PCSK5: variants seen among roughly 807,000 people sequenced by gnomAD.
PCSK5 encodes the protein proprotein convertase subtilisin/kexin type 5.
Under a neutral mutation model 233.2 loss-of-function variants are expected in PCSK5, and 129 were observed. The observed-to-expected ratio is 0.55, with a 90% CI of 0.48 to 0.64. The LOEUF is 0.64. Ranked by LOEUF, PCSK5 falls within the 30% of genes least tolerant of loss-of-function variation. The pLI, the probability that PCSK5 is intolerant of heterozygous loss-of-function variation, is 0.00. For missense variants in PCSK5, 2,076 were observed against 2,430.1 expected, an observed-to-expected ratio of 0.85 and a Z score of 3.06; for synonymous variants, 825 against 879.2, an observed-to-expected ratio of 0.94 and a Z score of 1.09.
chr9:76,030,855 T>C (rs1467810553), intron 5 of PCSK5, among the ~76,000 whole-genome samples: 2 of 152,122 alleles, frequency 1.3e-5, no homozygotes, highest in East Asian at 3.9e-4. Flanking sequence ...CGTGCTCATC[T>C]GGGGTATTCT....
intron 32 of PCSK5, among the ~76,000 whole-genome samples, chr9:76,326,916 C>A (rs1169245482): frequency 6.6e-6 from 1 of 152,108 alleles, no homozygotes; most frequent in Non-Finnish European, 1.5e-5. Context: ...GGAAGCAAAC[C>A]ATGCATGCCT....
At chr9:76,356,021 T>G (rs1444769927) in intron 37 of PCSK5, among the ~76,000 whole-genome samples, 1 of 152,114 alleles carries the variant, frequency 6.6e-6, no homozygotes, top group Non-Finnish European at 1.5e-5. Context: ...CATTTTCAAT[T>G]GGGTTTTAAG....
intron 3 of PCSK5, among the ~76,000 whole-genome samples, chr9:76,009,378 A>T (rs932868100): frequency 6.6e-6 from 1 of 151,876 alleles, no homozygotes; most frequent in Admixed American, 6.6e-5. Flanking sequence ...AAATCCTACT[A>T]CCCACTTTGG....
At chr9:75,996,630 T>C (rs1482621561) in intron 3 of PCSK5, among the ~76,000 whole-genome samples, 4 of 152,226 alleles carry the variant, frequency 2.6e-5, no homozygotes, top group Admixed American at 1.3e-4. Flanking sequence ...AGAAAAATCA[T>C]TTTGATAACA....
chr9:75,950,775 C>T (rs1033470328), intron 2 of PCSK5, among the ~76,000 whole-genome samples: 1 of 152,200 alleles, frequency 6.6e-6, no homozygotes, highest in Non-Finnish European at 1.5e-5. Flanking sequence ...GAAGAAACTG[C>T]ATCAACTAAC....
chr9:75,992,697 C>G (rs758037665), intron 3 of PCSK5, among the ~76,000 whole-genome samples: 4 of 152,152 alleles, frequency 2.6e-5, no homozygotes, highest in Admixed American at 2.0e-4. Context: ...GTACTCTTGA[C>G]TCATCATCCT....
intron 24 of PCSK5, among the ~76,000 whole-genome samples, chr9:76,245,586 GC>G (rs1216010583): frequency 6.6e-6 from 1 of 152,142 alleles, no homozygotes; most frequent in East Asian, 1.9e-4. Context: ...AAAGGCTTCT[GC>G]TATGGATTTT....
At chr9:76,308,931 GA>G in intron 29 of PCSK5, among the ~76,000 whole-genome samples, 1 of 152,254 alleles carries the variant, frequency 6.6e-6, no homozygotes, top group Non-Finnish European at 1.5e-5. Flanking sequence ...ACAATACAAA[GA>G]AGTGGTCAGG....
chr9:76,067,939 T>C lies in PCSK5; in HGVS notation c.633-16T>C, dbSNP rs759859568. 2 of 1,604,850 alleles carry C rather than the reference T, an allele frequency of 1.2e-6. No homozygotes were observed. The highest frequency in any genetic ancestry group is 1.1e-5 in the South Asian group (1 of 90,852). On this transcript the variant is annotated splice_polypyrimidine_tract_variant and intron_variant, in intron 5 of 37. Transcript: ENST00000674117. Reference sequence around the variant, plus strand: ...GGTGTGTCTTACTTGAGAAAGTGTGTGTGTTCTGCCTGCAGGCATGGGACT... The same window carrying C: ...GGTGTGTCTTACTTGAGAAAGTGTGCGTGTTCTGCCTGCAGGCATGGGACT...
intron 9 of PCSK5, among the ~76,000 whole-genome samples, chr9:76,131,661 T>C (rs951334409): frequency 1.3e-5 from 2 of 152,124 alleles, no homozygotes; most frequent in East Asian, 1.9e-4. Context: ...ATAAGATCAA[T>C]GTAAATGTTC....
At chr9:75,922,780 T>G (rs1823310113) in intron 1 of PCSK5, among the ~76,000 whole-genome samples, 1 of 152,218 alleles carries the variant, frequency 6.6e-6, no homozygotes, top group Admixed American at 6.5e-5. Flanking sequence ...CCCTTGTGAA[T>G]AGTTGGGCAG....
At chr9:75,924,996 A>T (rs115387607) in intron 1 of PCSK5, among the ~76,000 whole-genome samples, 2 of 152,186 alleles carry the variant, frequency 1.3e-5, no homozygotes, top group South Asian at 4.1e-4. Context: ...GCAGTGAAGT[A>T]ATGGCTGGCT....
chr9:76,100,229 T>G (rs1831699503), intron 8 of PCSK5, among the ~76,000 whole-genome samples: 1 of 152,236 alleles, frequency 6.6e-6, no homozygotes, highest in Admixed American at 6.5e-5. Context: ...AAGAAGCTCT[T>G]TCATAAGCTA....
At chr9:76,353,538 T>C (rs2131527804) in intron 36 of PCSK5, among the ~76,000 whole-genome samples, 1 of 152,356 alleles carries the variant, frequency 6.6e-6, no homozygotes. Flanking sequence ...CTGGGGATTA[T>C]GTCAAATAGA....
At chr9:76,348,889 C>T (rs1830045107) in intron 35 of PCSK5, among the ~76,000 whole-genome samples, 1 of 151,758 alleles carries the variant, frequency 6.6e-6, no homozygotes. Flanking sequence ...AAAGTGAGAA[C>T]ATGTATCTAC....
At chr9:76,065,050 T>G (rs1830234372) in intron 5 of PCSK5, among the ~76,000 whole-genome samples, 2 of 152,242 alleles carry the variant, frequency 1.3e-5, no homozygotes, top group Admixed American at 1.3e-4. Flanking sequence ...TTCTTATTCA[T>G]TCATCTGTTG....
chr9:76,100,709 TA>T (rs1208744555), intron 8 of PCSK5, among the ~76,000 whole-genome samples: 1 of 152,222 alleles, frequency 6.6e-6, no homozygotes, highest in Non-Finnish European at 1.5e-5. Context: ...ATTTAGAATA[TA>T]TACATTTCCA....
chr9:76,287,383 G>GAGTTAGAA (rs1284533283), intron 24 of PCSK5: 2 of 185,686 alleles, frequency 1.1e-5, no homozygotes, highest in African/African-American at 4.7e-5. Flanking sequence ...TCTTCCATTC[G>GAGTTAGAA]AGTTAGAAAT....
intron 36 of PCSK5, among the ~76,000 whole-genome samples, chr9:76,351,452 GAAAGAAAGAAAGAAAGAAAGAAAGAAA>G (rs1830126836): frequency 4.0e-5 from 1 of 25,014 alleles, no homozygotes; most frequent in Non-Finnish European, 8.9e-5. Flanking sequence ...AGAAAGGAAA[GAAAGAAAGAAAGAAAGAAAGAAAGAAA>G]GAAAGAAAGA....
Sources: allele counts gnomAD v4.1 joint callset (sites outside exome capture counted in the v4.1 genomes callset), GRCh38; gene constraint gnomAD v4.1.1; transcripts MANE v1.5; gene names NCBI Gene and HGNC (gene_info 2026-07-23, HGNC 2026-07-21).